Variants in SCUBE2 observed in about 807,000 individuals in gnomAD.
SCUBE2 encodes signal peptide, CUB domain and EGF like domain containing 2.
SCUBE2 carries 114 observed loss-of-function variants against 125.9 expected under a neutral mutation model. That is an observed-to-expected ratio of 0.91 (90% CI 0.78 to 1.06). The LOEUF is 1.06. Ranked by LOEUF, SCUBE2 falls within the 50% of genes least tolerant of loss-of-function variation. The pLI is 0.00. For synonymous variants in SCUBE2, 459 were observed against 492.9 expected (o/e 0.93, Z 0.91); for missense variants, 1,255 against 1,301.8 (o/e 0.96, Z 0.55).
intron 4 of SCUBE2, among the ~76,000 whole-genome samples, chr11:9,070,635 T>C (rs1860704705): frequency 6.6e-6 from 1 of 152,210 alleles, no homozygotes; most frequent in Admixed American, 6.5e-5. Flanking sequence ...AAAAGGTTGC[T>C]TTCACTTCTC....
At chr11:9,038,067 A>G (rs756888345) in intron 16 of SCUBE2, among the ~76,000 whole-genome samples, 4 of 152,166 alleles carry the variant, frequency 2.6e-5, no homozygotes, top group Non-Finnish European at 5.9e-5. Flanking sequence ...ATAAGTACTT[A>G]TTGAGCACTC....
intron 20 of SCUBE2, chr11:9,026,783 C>A (rs1000706133): frequency 1.3e-5 from 2 of 156,300 alleles, no homozygotes; most frequent in Non-Finnish European, 1.4e-5. Flanking sequence ...AAGGTAGCAA[C>A]TGTTACTAGC....
chr11:9,064,368 A>C (rs886684674), intron 7 of SCUBE2, among the ~76,000 whole-genome samples: 2 of 151,064 alleles, frequency 1.3e-5, no homozygotes, highest in African/African-American at 4.9e-5. Context: ...CAGGAAGCTG[A>C]GGTGAGAGAA....
intron 21 of SCUBE2, among the ~76,000 whole-genome samples, chr11:9,024,859 G>A (rs75133341): frequency 5.2e-4 from 79 of 152,310 alleles, no homozygotes; most frequent in African/African-American, 1.9e-3. Flanking sequence ...GCTTTGGGCT[G>A]TTATAGCAGC....
At chr11:9,067,276 TAGAA>T (rs1304168864) in intron 5 of SCUBE2, among the ~76,000 whole-genome samples, 3 of 152,186 alleles carry the variant, frequency 2.0e-5, no homozygotes, top group African/African-American at 7.2e-5. Context: ...CTAGATTAGT[TAGAA>T]GGAAGGATAA....
chr11:9,048,266 T>C (rs1297851849), intron 14 of SCUBE2, among the ~76,000 whole-genome samples, 168 bp from the exon 15 acceptor site: 6 of 152,270 alleles, frequency 3.9e-5, no homozygotes, highest in African/African-American at 1.2e-4. Context: ...AACGACATTT[T>C]AATGTTGAAG....
rs565904022 is a variant in SCUBE2 at position 9,081,230 on chromosome 11, A to G, written c.257-1721T>C. ...TTTCTTTCTGTAAATGTACAGTTGG[A>G]TATAATTAAAACAATCATAATGTTG... On this transcript the variant is annotated intron_variant, in intron 2 of 22. Coordinates refer to ENST00000649792, the MANE Select transcript of SCUBE2 (RefSeq NM_001367977.2). Among the ~76,000 whole-genome samples, 12 of 152,328 alleles carry G rather than the reference A, an allele frequency of 7.9e-5. No homozygotes were observed. The South Asian group carries it at 2.5e-3, about 32-fold the overall frequency.
chr11:9,055,569 C>A (rs1017245708), intron 10 of SCUBE2, among the ~76,000 whole-genome samples: 1 of 152,250 alleles, frequency 6.6e-6, no homozygotes, highest in Admixed American at 6.5e-5. Flanking sequence ...GAGCTCAGTT[C>A]TTCTCTCTGC....
At chr11:9,054,670 G>A (rs1224742535) in intron 10 of SCUBE2, among the ~76,000 whole-genome samples, 12 of 134,914 alleles carry the variant, frequency 8.9e-5, no homozygotes, top group African/African-American at 3.1e-4. Flanking sequence ...AAAGGGAGAA[G>A]GGAGATAACT....
rs1227447292 is a variant in SCUBE2, at chr11:9,091,199, A to C, written c.133+197T>G. ...CAGCTCCGGGTCCGAGGCCGGGCCG[A>C]AGGACTCAGGGCCCCAGCGGTCGTG... On this transcript the variant is annotated intron_variant, in intron 1 of 22. Transcript: ENST00000649792. The surrounding 1 kb of genome is among the most constrained non-coding windows in gnomAD (Gnocchi z 8.5). Among the ~76,000 whole-genome samples the C allele has an allele frequency of 1.3e-5, 2 of 152,004 alleles. No homozygotes were observed. Among genetic ancestry groups the C allele is most frequent in the Non-Finnish European group, 2.9e-5 (2 of 67,958 alleles).
chr11:9,021,719 T>A (rs575610034), intron 22 of SCUBE2, among the ~76,000 whole-genome samples, 157 bp downstream of exon 22: 5 of 152,328 alleles, frequency 3.3e-5, no homozygotes, highest in African/African-American at 4.8e-5. Context: ...CTGATTTTTT[T>A]AAAAATTAAG....
At chr11:9,081,885 A>T (rs187301263) in intron 2 of SCUBE2, among the ~76,000 whole-genome samples, 109 of 152,274 alleles carry the variant, frequency 7.2e-4, no homozygotes, top group South Asian at 6.0e-3. Flanking sequence ...AATTTTTTTT[A>T]AAATTTTTTG....
intron 21 of SCUBE2, chr11:9,024,104 T>C (rs1855530520): frequency 1.9e-6 from 1 of 535,664 alleles, no homozygotes; most frequent in African/African-American, 2.0e-5. Context: ...AGACTCACTC[T>C]CGTGGGCATA....
At chr11:9,030,654 TG>T (rs2135136283) in intron 18 of SCUBE2, 103 bp downstream of exon 18, 2 of 1,198,710 alleles carry the variant, frequency 1.7e-6, no homozygotes, top group Non-Finnish European at 2.4e-6. Flanking sequence ...CCCCAGCCAC[TG>T]GGGCACTGCA....
chr11:9,089,097 A>G (rs1437451857), intron 2 of SCUBE2, among the ~76,000 whole-genome samples: 1 of 152,200 alleles, frequency 6.6e-6, no homozygotes, highest in Non-Finnish European at 1.5e-5. Context: ...CCAGATTATA[A>G]AATGGCAGAG....
At chr11:9,072,412 G>A (rs1297658263) in intron 4 of SCUBE2, among the ~76,000 whole-genome samples, 4 of 152,082 alleles carry the variant, frequency 2.6e-5, no homozygotes, top group African/African-American at 7.2e-5. Flanking sequence ...GTTTCACCGC[G>A]TTAGCCAGGA....
At chr11:9,078,471 A>T (rs1829461795) in intron 3 of SCUBE2, among the ~76,000 whole-genome samples, 1 of 152,160 alleles carries the variant, frequency 6.6e-6, no homozygotes, top group Admixed American at 6.5e-5. Flanking sequence ...CACAACACAC[A>T]AGTTCTGTCT....
intron 16 of SCUBE2, among the ~76,000 whole-genome samples, chr11:9,038,715 A>G (rs751327995): frequency 5.3e-5 from 8 of 152,236 alleles, no homozygotes; most frequent in Non-Finnish European, 7.3e-5. Flanking sequence ...TGTAGTAGGA[A>G]CACAGCATAA....
At position 9,047,958 on chromosome 11, in the gene SCUBE2, G is replaced by T. The variant is rs1857970375; in HGVS notation, c.1780C>A (p.Gln594Lys). Residue 594 changes from glutamine (Q) to lysine (K), a missense_variant, in exon 15 of 23, where the codon CAA (glutamine) becomes AAA (lysine). Gln to Lys is a moderately conservative substitution (Grantham distance 53). This residue lies in a region of SCUBE2 where 378 missense variants were observed against 463.1 expected (regional missense o/e 0.82). Coordinates refer to ENST00000649792, the MANE Select transcript of SCUBE2 (RefSeq NM_001367977.2). ...ITVEFELETN[Q>K]KEVTASCDLS... ...TCAAACCAACCTGTCACCTCCTTTT[G>T]GTTAGTTTCAAGCTCAAACTCAACA... 3 of 1,612,284 alleles carry T rather than the reference G, an allele frequency of 1.9e-6. No homozygotes were observed. Among genetic ancestry groups the T allele is most frequent in the Non-Finnish European group, 2.5e-6 (3 of 1,179,306 alleles).
Sources: gnomAD v4.1 joint callset for allele counts (sites outside exome capture counted in the v4.1 genomes callset) on GRCh38, gnomAD v4.1.1 for gene constraint, gnomAD v4.1.1 regional missense constraint, Gnocchi (gnomAD v3.1) non-coding constraint, MANE v1.5 for transcripts, NCBI Gene and HGNC (gene_info 2026-07-23, HGNC 2026-07-21) for gene names.